The following COL23A1 variants were observed in gnomAD, a reference collection of about 807,000 sequenced individuals.
COL23A1 encodes the protein collagen type XXIII alpha 1 chain.
Under a neutral mutation model 99.3 loss-of-function variants are expected in COL23A1, and 97 were observed. The ratio of observed to expected loss-of-function variants is 0.98; its 90% CI spans 0.83 to 1.16. The LOEUF (loss-of-function observed/expected upper bound fraction) is 1.16, where lower values mean the gene tolerates loss of function less well. Among genes scored for constraint, COL23A1 ranks in the 50% most tolerant of loss-of-function variants. The pLI is 0.00. For missense variants in COL23A1, 762 were observed against 757.4 expected, an observed-to-expected ratio of 1.01 and a Z score of -0.07; for synonymous variants, 320 against 308.2, an observed-to-expected ratio of 1.04 and a Z score of -0.40.
In COL23A1 at chr5:178,381,065, C is replaced by G. The variant is rs552849331; in HGVS notation, c.362-74146G>C. Among the ~76,000 whole-genome samples, 18 of 152,358 alleles carry G rather than the reference C, an allele frequency of 1.2e-4. No homozygotes were observed. In the East Asian group the frequency reaches 3.5e-3, roughly 29 times the overall value. ...TTTTCACCTGGAAAATCAAGGGGCC[C>G]TGGCCTACCTGGGCCTAGAGGGTCT... On this transcript the variant is annotated intron_variant, in intron 2 of 28. Coordinates refer to ENST00000390654, the MANE Select transcript of COL23A1 (RefSeq NM_173465.4).
chr5:178,425,861 T>G (rs998879474), intron 2 of COL23A1, among the ~76,000 whole-genome samples: 1 of 152,234 alleles, frequency 6.6e-6, no homozygotes, highest in African/African-American at 2.4e-5. Context: ...GAGAGTGCCG[T>G]GGCAGAGGCA....
intron 2 of COL23A1, among the ~76,000 whole-genome samples, chr5:178,496,590 C>T (rs1305797035): frequency 6.6e-6 from 1 of 152,122 alleles, no homozygotes; most frequent in Non-Finnish European, 1.5e-5. Flanking sequence ...TTATAACTTG[C>T]CTCTTCCCAT....
chr5:178,259,278 G>A (rs914009556), intron 12 of COL23A1, among the ~76,000 whole-genome samples: 4 of 152,132 alleles, frequency 2.6e-5, no homozygotes, highest in Non-Finnish European at 5.9e-5. Context: ...GCTGGCCCAG[G>A]AGAAGAGGCC....
At chr5:178,487,179 G>C (rs1485825714) in intron 2 of COL23A1, among the ~76,000 whole-genome samples, 1 of 152,080 alleles carries the variant, frequency 6.6e-6, no homozygotes, top group East Asian at 1.9e-4. Context: ...GAATCTAGAG[G>C]CTCCAGGCTG....
intron 2 of COL23A1, among the ~76,000 whole-genome samples, chr5:178,548,226 T>G (rs1761816388): frequency 6.6e-6 from 1 of 151,628 alleles, no homozygotes; most frequent in African/African-American, 2.4e-5. Flanking sequence ...AGAATCACTG[T>G]GACAAATGCC....
intron 2 of COL23A1, among the ~76,000 whole-genome samples, chr5:178,417,482 C>T (rs992578728): frequency 5.3e-5 from 8 of 152,140 alleles, no homozygotes; most frequent in South Asian, 2.1e-4. Context: ...GGGGAAATCA[C>T]GCCCGCAACA....
chr5:178,418,220 T>C (rs1200638183), intron 2 of COL23A1, among the ~76,000 whole-genome samples: 1 of 152,252 alleles, frequency 6.6e-6, no homozygotes, highest in Non-Finnish European at 1.5e-5. Flanking sequence ...GAGGACTGAA[T>C]GATATAATAC....
intron 2 of COL23A1, among the ~76,000 whole-genome samples, chr5:178,484,950 C>T (rs1757536949): frequency 6.6e-6 from 1 of 152,008 alleles, no homozygotes; most frequent in Non-Finnish European, 1.5e-5. Flanking sequence ...TAGGTTCTGG[C>T]CAAGGACCCC....
At chr5:178,315,634 C>T (rs976478239) in intron 2 of COL23A1, among the ~76,000 whole-genome samples, 4 of 151,946 alleles carry the variant, frequency 2.6e-5, no homozygotes, top group Non-Finnish European at 4.4e-5. Context: ...GGGCAGGGCA[C>T]GGGAAGGGGA....
At chr5:178,354,338 A>G (rs1761501630) in intron 2 of COL23A1, among the ~76,000 whole-genome samples, 1 of 152,144 alleles carries the variant, frequency 6.6e-6, no homozygotes, top group African/African-American at 2.4e-5. Context: ...CCTCGAAAAT[A>G]GCTGCGACTA....
At chr5:178,557,740 T>C (rs879278343) in intron 2 of COL23A1, among the ~76,000 whole-genome samples, 2 of 152,140 alleles carry the variant, frequency 1.3e-5, no homozygotes, top group Admixed American at 1.3e-4. Flanking sequence ...TGGAGAGCCT[T>C]GGAGCCTTGG....
chr5:178,431,815 C>T (rs1057497374), intron 2 of COL23A1, among the ~76,000 whole-genome samples: 8 of 152,340 alleles, frequency 5.3e-5, no homozygotes, highest in Admixed American at 1.3e-4. Flanking sequence ...TTTGCTACAG[C>T]GTCCACAAGA....
At chr5:178,240,025 T>A (rs1297037502) in intron 27 of COL23A1, among the ~76,000 whole-genome samples, 2 of 152,164 alleles carry the variant, frequency 1.3e-5, no homozygotes, top group Non-Finnish European at 1.5e-5. Context: ...ATTGGCATCC[T>A]GCTCCAGCCT....
chr5:178,398,894 C>T lies in COL23A1; in HGVS notation c.362-91975G>A, dbSNP rs149496515. ...TCTTAGCGTTTTCTTCTTTGCATCC[C>T]AGCACCCAGACAGCCTGGCACTGAC... On this transcript the variant is annotated intron_variant, in intron 2 of 28. Coordinates refer to ENST00000390654, the MANE Select transcript of COL23A1 (RefSeq NM_173465.4). Among the ~76,000 whole-genome samples the T allele has an allele frequency of 7.2e-5, 11 of 152,348 alleles. No homozygotes were observed. The East Asian group carries it at 2.1e-3, about 29-fold the overall frequency.
chr5:178,571,115 A>T (rs1274063344), intron 1 of COL23A1, among the ~76,000 whole-genome samples: 2 of 151,352 alleles, frequency 1.3e-5, no homozygotes, highest in Non-Finnish European at 2.9e-5. Context: ...TAATCCCAGC[A>T]CTTTGGGAGG....
intron 1 of COL23A1, among the ~76,000 whole-genome samples, chr5:178,574,017 C>T (rs1217618494): frequency 6.6e-6 from 1 of 152,124 alleles, no homozygotes; most frequent in Non-Finnish European, 1.5e-5. Flanking sequence ...CACCATCACG[C>T]CCGCCTAATT....
At chr5:178,380,704 G>C (rs775919564) in intron 2 of COL23A1, among the ~76,000 whole-genome samples, 1 of 152,210 alleles carries the variant, frequency 6.6e-6, no homozygotes, top group African/African-American at 2.4e-5. Context: ...GAGGACGGCC[G>C]GGACAGAGGC....
At position 178,436,366 on chromosome 5, in the gene COL23A1, G is replaced by A. The variant is rs536919498; in HGVS notation, c.361+124316C>T. ...CGGTGTCCAGGTCAGCGGTTGTGGC[G>A]AGCACGGGGAGAGGGCAAGAACCTC... On this transcript the variant is annotated intron_variant, in intron 2 of 28. Coordinates refer to ENST00000390654, the MANE Select transcript of COL23A1 (RefSeq NM_173465.4). 1.3e-4 allele frequency among the ~76,000 whole-genome samples: 19 copies of A among 151,756 alleles called. No homozygotes were observed. The South Asian group carries it at 3.4e-3, about 27-fold the overall frequency.
chr5:178,363,002 C>A (rs1335375583), intron 2 of COL23A1, among the ~76,000 whole-genome samples: 2 of 129,556 alleles, frequency 1.5e-5, no homozygotes, highest in Non-Finnish European at 3.3e-5. Context: ...GCAACCCACC[C>A]CCACAGCAAC....
Sources: allele counts gnomAD v4.1 joint callset (sites outside exome capture counted in the v4.1 genomes callset), GRCh38; gene constraint gnomAD v4.1.1; transcripts MANE v1.5; gene names NCBI Gene and HGNC (gene_info 2026-07-23, HGNC 2026-07-21).